Variants in MME observed in about 807,000 individuals in gnomAD.
MME encodes the protein membrane metalloendopeptidase.
Under a neutral mutation model 113.2 loss-of-function variants are expected in MME, and 98 were observed. That is an observed-to-expected ratio of 0.87 (90% CI 0.74 to 1.02). MME has a LOEUF of 1.02. Among genes scored for constraint, MME ranks in the 50% least tolerant of loss-of-function variants. MME has a pLI of 0.00. For missense variants in MME, 836 were observed against 896.0 expected (o/e 0.93, Z 0.86); for synonymous variants, 292 against 300.6 (o/e 0.97, Z 0.30).
intron 3 of MME, chr3:155,089,989 G>A (rs1199436924): frequency 3.1e-6 from 1 of 323,142 alleles, no homozygotes; most frequent in East Asian, 7.7e-5. Flanking sequence ...ACAGAGAATT[G>A]AGGGGTCTGC....
intron 1 of MME, among the ~76,000 whole-genome samples, chr3:155,042,024 TTTA>T (rs1257286794): frequency 3.9e-5 from 6 of 152,186 alleles, no homozygotes; most frequent in Non-Finnish European, 7.4e-5. Flanking sequence ...AAAAACTCTA[TTTA>T]GCCTTTAAAG....
upstream of MME, among the ~76,000 whole-genome samples, chr3:155,075,198 C>CT (rs956202105): frequency 6.6e-6 from 1 of 151,362 alleles, no homozygotes. Flanking sequence ...TGATTAATCT[C>CT]TTTTTTTGGT....
At chr3:155,079,185 G>T (rs1002833265), upstream of MME, among the ~76,000 whole-genome samples, 4 of 152,020 alleles carry the variant, frequency 2.6e-5, no homozygotes, top group Admixed American at 2.0e-4. Flanking sequence ...AGAAGGAAAC[G>T]GGGAGGGAGA....
intron 1 of MME, among the ~76,000 whole-genome samples, chr3:155,068,903 T>C (rs555941336): frequency 2.3e-4 from 35 of 152,180 alleles, no homozygotes; most frequent in Middle Eastern, 3.4e-3. Context: ...GGAAATAAAG[T>C]GTAGGGAAAA....
intron 1 of MME, among the ~76,000 whole-genome samples, chr3:155,043,257 T>A (rs535400611): frequency 6.6e-6 from 1 of 151,686 alleles, no homozygotes; most frequent in South Asian, 2.1e-4. Context: ...ATATTAGTAT[T>A]AGACAGAAAT....
At chr3:155,176,162 T>C (rs1303315314) in intron 22 of MME, among the ~76,000 whole-genome samples, 4 of 152,160 alleles carry the variant, frequency 2.6e-5, no homozygotes, top group Admixed American at 6.6e-5. Context: ...TGAGGACCCA[T>C]TAATTGCAAA....
chr3:155,178,371 A>G (rs1323343211), intron 22 of MME, among the ~76,000 whole-genome samples: 1 of 152,138 alleles, frequency 6.6e-6, no homozygotes, highest in Non-Finnish European at 1.5e-5. Context: ...AAAAATCCAT[A>G]TGGATCTCTC....
At position 155,162,493 on chromosome 3, in the gene MME, T is replaced by TA. The variant is rs200296601; in HGVS notation, c.1660+2051dup. On this transcript the variant is annotated intron_variant, in intron 17 of 22. Coordinates refer to ENST00000360490, the MANE Select transcript of MME (RefSeq NM_007289.4). ...AGCTATAATAACAATTCTGAATATA[T>TA]AAAAAAGACCTTTTCCAAGATCCTT... Among the ~76,000 whole-genome samples the TA allele has an allele frequency of 9.1e-3, 1,391 of 152,162 alleles. 24 individuals carry two copies. The highest frequency in any genetic ancestry group is 0.032 in the African/African-American group (1,330 of 41,540).
At chr3:155,075,356 GTTTA>G (rs1209461736), upstream of MME, among the ~76,000 whole-genome samples, 1 of 142,840 alleles carries the variant, frequency 7.0e-6, no homozygotes, top group Admixed American at 6.8e-5. Flanking sequence ...GCTGAATTTT[GTTTA>G]TTTGTTTGTT....
At chr3:155,081,190 C>T (rs1039325287) in intron 1 of MME, 1 of 152,206 alleles carries the variant, frequency 6.6e-6, no homozygotes, top group African/African-American at 2.4e-5. Context: ...AGCACAGCTT[C>T]AGGAACCTGC....
At chr3:155,058,218 G>A (rs1714006134) in intron 1 of MME, among the ~76,000 whole-genome samples, 1 of 152,090 alleles carries the variant, frequency 6.6e-6, no homozygotes, top group Admixed American at 6.6e-5. Flanking sequence ...TTTGACCCAA[G>A]GTGTTAAATA....
At chr3:155,079,306 G>C (rs1714903949), upstream of MME, among the ~76,000 whole-genome samples, 1 of 152,106 alleles carries the variant, frequency 6.6e-6, no homozygotes, top group Non-Finnish European at 1.5e-5. Context: ...AAAGAAGAGC[G>C]TGAGAAGAGG....
intron 1 of MME, among the ~76,000 whole-genome samples, chr3:155,063,362 T>TATATATATTTATATATATATATATTTC (rs1559896708): frequency 1.9e-5 from 2 of 106,032 alleles, no homozygotes; most frequent in African/African-American, 4.2e-5. Context: ...ATATTATATT[T>TATATATATTTATATATATATATATTTC]ATATATATTT....
intron 1 of MME, chr3:155,081,728 C>T (rs1174397196): frequency 1.3e-5 from 2 of 151,830 alleles, no homozygotes; most frequent in African/African-American, 2.4e-5. Flanking sequence ...ATATGTTCCA[C>T]AGTGAGATTC....
intron 1 of MME, among the ~76,000 whole-genome samples, chr3:155,068,263 G>A (rs1355942457): frequency 6.6e-6 from 1 of 152,170 alleles, no homozygotes; most frequent in African/African-American, 2.4e-5. Context: ...GCAATCAATG[G>A]TTGCCTAAGA....
At chr3:155,080,137 G>A (rs905218872), upstream of MME, 7 of 152,648 alleles carry the variant, frequency 4.6e-5, no homozygotes, top group African/African-American at 1.2e-4. Context: ...GCGCTGAGCA[G>A]GGTCCGCAGC....
chr3:155,084,078 T>C, intron 1 of MME, 80 bp from the exon 2 acceptor site: 1 of 1,265,962 alleles, frequency 7.9e-7, no homozygotes, highest in African/African-American at 1.5e-5. Flanking sequence ...CCTTTTACTT[T>C]TATCCAGCCA....
At chr3:155,138,890 A>T (rs969255508) in intron 9 of MME, among the ~76,000 whole-genome samples, 7 of 152,126 alleles carry the variant, frequency 4.6e-5, no homozygotes, top group Non-Finnish European at 8.8e-5. Context: ...TCTAAGCAGC[A>T]TCCAGGTTAC....
chr3:155,058,734 A>G (rs1034590110), intron 1 of MME, among the ~76,000 whole-genome samples: 2 of 152,232 alleles, frequency 1.3e-5, no homozygotes, highest in Non-Finnish European at 2.9e-5. Flanking sequence ...AGGATTGAAA[A>G]CTAAAGCTCC....
Sources: gnomAD v4.1 joint callset for allele counts (sites outside exome capture counted in the v4.1 genomes callset) on GRCh38, gnomAD v4.1.1 for gene constraint, MANE v1.5 for transcripts, NCBI Gene and HGNC (gene_info 2026-07-23, HGNC 2026-07-21) for gene names.